LRRTM4: variants seen among roughly 807,000 people sequenced by gnomAD.
LRRTM4 encodes the protein leucine rich repeat transmembrane neuronal 4.
A neutral mutation model predicts 47.6 loss-of-function variants in LRRTM4; 25 were observed. The ratio of observed to expected loss-of-function variants is 0.53; its 90% confidence interval spans 0.38 to 0.73. The LOEUF (loss-of-function observed/expected upper bound fraction) is 0.73. LRRTM4 is among the 30% of genes least tolerant of loss of function. The probability of loss-of-function intolerance (pLI) is 0.00; values close to 1 mark genes in which losing one functional copy is unlikely to be tolerated. For missense variants in LRRTM4, 638 were observed against 713.4 expected, an observed-to-expected ratio of 0.89 and a Z score of 1.20; for synonymous variants, 311 against 269.5, an observed-to-expected ratio of 1.15 and a Z score of -1.51.
chr2:77,395,910 A>G lies in LRRTM4; in HGVS notation c.1551+122408T>C, dbSNP rs147191416. On this transcript the variant is annotated intron_variant, in intron 3 of 3. Coordinates refer to ENST00000409884, the MANE Select transcript of LRRTM4 (RefSeq NM_001134745.3). ...ATTCTTAAGTGGTCCACTTTTCTTC[A>G]TAATTTTAGCCAGGTTTTAAATAAT... Among the ~76,000 whole-genome samples, 812 of 152,022 alleles carry G rather than the reference A, an allele frequency of 5.3e-3. 3 individuals are homozygous for G. Among genetic ancestry groups the G allele is most frequent in the Non-Finnish European group, 7.8e-3 (533 of 67,902 alleles).
chr2:77,365,712 T>A (rs1402138055), intron 3 of LRRTM4, among the ~76,000 whole-genome samples: 1 of 151,480 alleles, frequency 6.6e-6, no homozygotes, highest in Non-Finnish European at 1.5e-5. Flanking sequence ...TGCCATTAAA[T>A]ATATATCAGA....
intron 3 of LRRTM4, among the ~76,000 whole-genome samples, chr2:76,771,048 A>G: frequency 6.6e-6 from 1 of 152,188 alleles, no homozygotes; most frequent in Non-Finnish European, 1.5e-5. Context: ...TGTCTGTTTA[A>G]TGATGTTATT....
rs191852101 is a variant in LRRTM4, at chr2:76,845,370, T to C, written c.1552-96454A>G. Among the ~76,000 whole-genome samples, 5 of 152,230 alleles carry C rather than the reference T, an allele frequency of 3.3e-5. No homozygotes were observed. The East Asian group carries it at 9.7e-4, about 29-fold the overall frequency. Reference sequence around the variant, plus strand: ...AGCCAGGCATGGTGGGGAGCACCTGTAGTCCCAGCTACTTGGGAGGCTGAG... The same window carrying C: ...AGCCAGGCATGGTGGGGAGCACCTGCAGTCCCAGCTACTTGGGAGGCTGAG... On this transcript the variant is annotated intron_variant, in intron 3 of 3. Coordinates refer to ENST00000409884, the MANE Select transcript of LRRTM4 (RefSeq NM_001134745.3).
At chr2:77,242,360 C>T (rs915649032) in intron 3 of LRRTM4, among the ~76,000 whole-genome samples, 4 of 152,026 alleles carry the variant, frequency 2.6e-5, no homozygotes, top group African/African-American at 9.7e-5. Flanking sequence ...TCAAGGGACA[C>T]AATCAACAGA....
intron 3 of LRRTM4, among the ~76,000 whole-genome samples, chr2:76,762,754 A>G (rs1313348187): frequency 1.3e-5 from 2 of 152,130 alleles, no homozygotes; most frequent in Admixed American, 6.5e-5. Flanking sequence ...GAGGCCAGGA[A>G]TTTGAGACCA....
chr2:77,092,717 T>C (rs1670687842), intron 3 of LRRTM4, among the ~76,000 whole-genome samples: 1 of 143,958 alleles, frequency 6.9e-6, no homozygotes, highest in Non-Finnish European at 1.5e-5. Context: ...ACCGCAGTCA[T>C]TTCTTCCATT....
chr2:77,104,723 A>T (rs1425610158), intron 3 of LRRTM4, among the ~76,000 whole-genome samples: 1 of 152,172 alleles, frequency 6.6e-6, no homozygotes, highest in Non-Finnish European at 1.5e-5. Context: ...CAATTTGAGG[A>T]CACCCGCTGA....
At chr2:77,450,040 C>A (rs1243612292) in intron 3 of LRRTM4, among the ~76,000 whole-genome samples, 1 of 152,124 alleles carries the variant, frequency 6.6e-6, no homozygotes, top group African/African-American at 2.4e-5. Context: ...GTTGTATTCC[C>A]AGCACCTAGT....
chr2:76,850,436 A>G (rs1671959791), intron 3 of LRRTM4, among the ~76,000 whole-genome samples: 1 of 152,210 alleles, frequency 6.6e-6, no homozygotes, highest in South Asian at 2.1e-4. Context: ...TCGACAATTC[A>G]GTGATGTTGA....
intron 3 of LRRTM4, among the ~76,000 whole-genome samples, chr2:77,418,197 A>G (rs1289639883): frequency 6.6e-6 from 1 of 152,144 alleles, no homozygotes; most frequent in African/African-American, 2.4e-5. Flanking sequence ...AGCACAGATA[A>G]TGAGGACTTG....
chr2:77,485,146 CTAAATATAAAATA>C (rs1162815827), intron 3 of LRRTM4, among the ~76,000 whole-genome samples: 2 of 151,596 alleles, frequency 1.3e-5, no homozygotes, highest in East Asian at 1.9e-4. Context: ...TACTAGACTC[CTAAATATAAAATA>C]TAAATATAAA....
chr2:77,043,148 G>A (rs58279694), intron 3 of LRRTM4, among the ~76,000 whole-genome samples: 4 of 151,396 alleles, frequency 2.6e-5, no homozygotes, highest in Non-Finnish European at 5.9e-5. Flanking sequence ...TCTTTTGTAC[G>A]TATCTTTCAT....
At chr2:76,867,215 C>G (rs575241937) in intron 3 of LRRTM4, among the ~76,000 whole-genome samples, 1 of 152,126 alleles carries the variant, frequency 6.6e-6, no homozygotes, top group Admixed American at 6.5e-5. Flanking sequence ...GCGCATGTAT[C>G]TCAGAACTTA....
In LRRTM4 at chr2:77,234,733, C is replaced by T. The variant is rs911818705; in HGVS notation, c.1551+283585G>A. Among the ~76,000 whole-genome samples the T allele has an allele frequency of 9.6e-4, 146 of 152,206 alleles. 1 individual carries two copies. Among genetic ancestry groups the T allele is most frequent in the African/African-American group, 3.4e-3 (140 of 41,536 alleles). Reference sequence around the variant, plus strand: ...GAATCTCTGGTGGATGGGACTTGGACATCAATATTTTATTAGTTTTCTAAC... The same window carrying T: ...GAATCTCTGGTGGATGGGACTTGGATATCAATATTTTATTAGTTTTCTAAC... On this transcript the variant is annotated intron_variant, in intron 3 of 3. Transcript: ENST00000409884.
intron 3 of LRRTM4, among the ~76,000 whole-genome samples, chr2:77,198,657 T>A (rs1478777999): frequency 1.3e-5 from 2 of 152,178 alleles, no homozygotes; most frequent in South Asian, 2.1e-4. Context: ...CTTTTAAGAA[T>A]AATATAGCTA....
At chr2:77,185,435 A>T (rs1389957589) in intron 3 of LRRTM4, among the ~76,000 whole-genome samples, 4 of 152,110 alleles carry the variant, frequency 2.6e-5, no homozygotes, top group Non-Finnish European at 4.4e-5. Context: ...CTAGAAGTAA[A>T]TGGCTACAAG....
At chr2:76,891,837 G>A (rs1264830136) in intron 3 of LRRTM4, among the ~76,000 whole-genome samples, 1 of 151,412 alleles carries the variant, frequency 6.6e-6, no homozygotes, top group African/African-American at 2.4e-5. Context: ...CAATTCGGAT[G>A]CAAAAAAGAT....
chr2:76,932,761 A>G (rs938051837), intron 3 of LRRTM4, among the ~76,000 whole-genome samples: 3 of 151,982 alleles, frequency 2.0e-5, no homozygotes, highest in Non-Finnish European at 2.9e-5. Context: ...ACATATACAC[A>G]CGTGTGTATA....
At chr2:76,876,606 T>G (rs1270743720) in intron 3 of LRRTM4, among the ~76,000 whole-genome samples, 2 of 152,054 alleles carry the variant, frequency 1.3e-5, no homozygotes, top group Non-Finnish European at 2.9e-5. Flanking sequence ...TAACAGATGT[T>G]TATAGAAAGT....
Sources: allele counts gnomAD v4.1 joint callset (sites outside exome capture counted in the v4.1 genomes callset), GRCh38; gene constraint gnomAD v4.1.1; transcripts MANE v1.5; gene names NCBI Gene and HGNC (gene_info 2026-07-23, HGNC 2026-07-21).